PGM3: variants seen among roughly 807,000 people sequenced by gnomAD.
PGM3 encodes phosphoacetylglucosamine mutase.
Under a neutral mutation model 66.2 loss-of-function variants are expected in PGM3, and 40 were observed. That is an observed-to-expected ratio of 0.60 (90% CI 0.47 to 0.79). The LOEUF (loss-of-function observed/expected upper bound fraction) is 0.79, where lower values mean the gene tolerates loss of function less well. PGM3 is among the 30% of genes least tolerant of loss of function. The pLI, the probability that PGM3 is intolerant of heterozygous loss-of-function variation, is 0.00. For synonymous variants in PGM3, 191 were observed against 224.2 expected (o/e 0.85, Z 1.32); for missense variants, 537 against 643.4 (o/e 0.83, Z 1.79).
At chr6:83,170,896 G>T (rs1786950687) in intron 11 of PGM3, 1 of 159,046 alleles carries the variant, frequency 6.3e-6, no homozygotes, top group African/African-American at 2.4e-5. Flanking sequence ...CACAAATTCT[G>T]TTGGTGAATG....
Position 83,166,532 on chromosome 6 carries a change from A to C in PGM3, c.*2702T>G, listed in dbSNP as rs1785681334. 1 of 667,892 alleles carries C rather than the reference A, an allele frequency of 1.5e-6. No homozygotes were observed. The highest frequency in any genetic ancestry group is 2.7e-6 in the Non-Finnish European group (1 of 376,458). 41.4% of individuals were successfully genotyped at this position (667,892 alleles called of 1,614,324 possible). A position where few individuals can be genotyped will look rare whatever the true frequency, so the allele number is the denominator to read the frequency against. ...TAACATCATTTCCATAGTCTAAAAT[A>C]AATATAAACAGCAATAAGTCATTAG... On this transcript the variant is annotated 3_prime_UTR_variant, in exon 13 of 13. Transcript: ENST00000513973.
At chr6:83,183,259 T>A (rs887168536) in intron 4 of PGM3, among the ~76,000 whole-genome samples, 6 of 152,144 alleles carry the variant, frequency 3.9e-5, no homozygotes, top group African/African-American at 1.4e-4. Context: ...ATAATTCAGA[T>A]GAATCATCCT....
downstream of PGM3, chr6:83,161,162 T>C (rs572017962): frequency 2.6e-5 from 4 of 152,246 alleles, no homozygotes; most frequent in African/African-American, 9.6e-5. Flanking sequence ...GGACATGAAA[T>C]AGTATGCTCA....
chr6:83,153,459 A>G, the PGM3 span: 2 of 1,188,402 alleles, frequency 1.7e-6, no homozygotes, highest in South Asian at 3.0e-5. Flanking sequence ...GTACCTTGGG[A>G]TGATGTCAGT....
chr6:83,152,058 C>T, the PGM3 span: 1 of 1,612,160 alleles, frequency 6.2e-7, no homozygotes, highest in Non-Finnish European at 8.5e-7. Flanking sequence ...GGTTTATTAT[C>T]TGTAAGCAGG....
At chr6:83,183,368 C>T (rs1317952277) in intron 4 of PGM3, among the ~76,000 whole-genome samples, 9 of 152,102 alleles carry the variant, frequency 5.9e-5, no homozygotes, top group African/African-American at 2.2e-4. Context: ...AAAACATACC[C>T]GAAGGCAAGA....
chr6:83,169,826 C>T (rs1786717908), intron 12 of PGM3: 1 of 457,284 alleles, frequency 2.2e-6, no homozygotes, highest in Non-Finnish European at 4.4e-6. Context: ...AAAATCCAGA[C>T]CACAAGTCTT....
At chr6:83,157,434 C>G, downstream of PGM3, 1 of 1,074,744 alleles carries the variant, frequency 9.3e-7, no homozygotes, top group Non-Finnish European at 1.4e-6. Flanking sequence ...GTAGTTAAAC[C>G]AGTTACTGAT....
Position 83,166,636 on chromosome 6 carries a change from C to T in PGM3, c.*2598G>A, listed in dbSNP as rs145159464. ...TTTAAGAATGTACTCCAATATAAAA[C>T]GGCAAATTTCAACAATGCAAAAACC... On this transcript the variant is annotated 3_prime_UTR_variant, in exon 13 of 13. Coordinates refer to ENST00000513973, the MANE Select transcript of PGM3 (RefSeq NM_015599.3). The T allele has an allele frequency of 1.4e-4, 137 of 981,684 alleles. 1 individual carries two copies. The African/African-American group carries it at 1.8e-3, about 13-fold the overall frequency. 60.8% of individuals were successfully genotyped at this position (981,684 alleles called of 1,614,324 possible).
the PGM3 span, among the ~76,000 whole-genome samples, chr6:83,149,985 A>AGAGAGGGTTTG: frequency 6.6e-6 from 1 of 152,216 alleles, no homozygotes; most frequent in Non-Finnish European, 1.5e-5. Flanking sequence ...ATGATTTTGG[A>AGAGAGGGTTTG]GAGAGGGTTT....
the PGM3 span, chr6:83,151,537 A>G: frequency 7.1e-7 from 1 of 1,415,432 alleles, no homozygotes; most frequent in Non-Finnish European, 9.7e-7. Context: ...ATTAGATCGC[A>G]TTAGTTTCTT....
intron 3 of PGM3, among the ~76,000 whole-genome samples, chr6:83,187,500 T>C (rs1189149812): frequency 1.3e-5 from 2 of 152,132 alleles, no homozygotes; most frequent in African/African-American, 4.8e-5. Flanking sequence ...AAATTATCTA[T>C]CTGAAAATAA....
downstream of PGM3, among the ~76,000 whole-genome samples, chr6:83,159,454 T>C (rs75392213): frequency 2.0e-5 from 3 of 151,686 alleles, no homozygotes; most frequent in African/African-American, 4.8e-5. Context: ...TTTTTTTTTT[T>C]GTCTGTGTGT....
intron 1 of PGM3, 101 bp from the exon 2 acceptor site, chr6:83,191,115 T>C: frequency 6.8e-7 from 1 of 1,462,512 alleles, no homozygotes; most frequent in Non-Finnish European, 9.4e-7. Context: ...TGTCTCATCC[T>C]GAACCTCCTC....
At chr6:83,151,468 T>C in the PGM3 span, 2 of 608,602 alleles carry the variant, frequency 3.3e-6, no homozygotes, top group South Asian at 5.3e-5. Flanking sequence ...GATATGTATA[T>C]ATATTAAATA....
chr6:83,170,468 C>G lies in PGM3; in HGVS notation c.1376G>C (p.Arg459Thr). ...NRQLKVQVAD[R>T]RVISTTDAER... The stretch of plus-strand genomic sequence containing the variant: ...AGCATCGGTAGTGCTAATAACTCTC[C>G]TGTCTGCAACCTAAGTGCAAGCATT... The change falls in exon 12 of 13, where the codon AGG (arginine) becomes ACG (threonine). Residue 459 changes from arginine (R) to threonine (T), a missense_variant. By Grantham distance (71) the Arg-to-Thr change is moderately conservative. Coordinates refer to ENST00000513973, the MANE Select transcript of PGM3 (RefSeq NM_015599.3). The G allele has an allele frequency of 6.2e-7, 1 of 1,613,830 alleles. No individual in the cohort carries two copies. Among genetic ancestry groups the G allele is most frequent in the Non-Finnish European group, 8.5e-7 (1 of 1,179,752 alleles).
chr6:83,154,157 G>A, the PGM3 span: 76 of 1,612,770 alleles, frequency 4.7e-5, no homozygotes, highest in Non-Finnish European at 5.9e-5. Flanking sequence ...ATAATTACAT[G>A]TTGTAATCCT....
At chr6:83,158,646 G>A (rs2128395745), downstream of PGM3, 1 of 1,555,356 alleles carries the variant, frequency 6.4e-7, no homozygotes, top group Non-Finnish European at 8.8e-7. Context: ...TAAATATATT[G>A]TTGTCCATTT....
At chr6:83,193,685 C>A (rs1036422992), upstream of PGM3, 10 of 152,508 alleles carry the variant, frequency 6.6e-5, no homozygotes, top group African/African-American at 2.2e-4. Flanking sequence ...CGGCCCGCAT[C>A]CCCCTCTCCG....
Sources: allele counts gnomAD v4.1 joint callset (sites outside exome capture counted in the v4.1 genomes callset), GRCh38; gene constraint gnomAD v4.1.1; transcripts MANE v1.5; gene names NCBI Gene and HGNC (gene_info 2026-07-23, HGNC 2026-07-21).